The following TAFA1 variants were observed in gnomAD, a reference collection of about 807,000 sequenced individuals.
TAFA1 encodes the protein chemokine-like protein TAFA-1.
TAFA1 carries 4 observed loss-of-function variants against 18.5 expected under a neutral mutation model. The observed-to-expected ratio is 0.22, with a 90% confidence interval of 0.11 to 0.49. The LOEUF is 0.49. Ranked by LOEUF, TAFA1 falls within the 20% of genes least tolerant of loss-of-function variation. The probability of loss-of-function intolerance (pLI) is 0.98; values close to 1 mark genes in which losing one functional copy is unlikely to be tolerated. For synonymous variants in TAFA1, 56 were observed against 55.2 expected, an observed-to-expected ratio of 1.01 and a Z score of -0.06; for missense variants, 147 against 169.0, an observed-to-expected ratio of 0.87 and a Z score of 0.72.
intron 3 of TAFA1, among the ~76,000 whole-genome samples, chr3:68,478,264 G>T (rs2072142853): frequency 6.6e-6 from 1 of 152,192 alleles, no homozygotes; most frequent in African/African-American, 2.4e-5. Flanking sequence ...TCAGTGATGT[G>T]CTCAAGGCAC....
intron 2 of TAFA1, among the ~76,000 whole-genome samples, chr3:68,015,198 C>T (rs1232499482): frequency 6.6e-6 from 1 of 152,032 alleles, no homozygotes; most frequent in African/African-American, 2.4e-5. Flanking sequence ...CTCTGGTAAA[C>T]AGCTTTGATA....
intron 2 of TAFA1, among the ~76,000 whole-genome samples, chr3:68,295,659 T>C (rs189764942): frequency 1.1e-3 from 173 of 152,284 alleles, no homozygotes; most frequent in Non-Finnish European, 1.2e-3. Context: ...CAGGCTGGAG[T>C]ACAGTGATGT....
chr3:68,233,729 G>C (rs1268199200), intron 2 of TAFA1, among the ~76,000 whole-genome samples: 3 of 152,102 alleles, frequency 2.0e-5, no homozygotes, highest in African/African-American at 7.2e-5. Context: ...TAAGCAGCAT[G>C]ATAATAATTC....
intron 3 of TAFA1, among the ~76,000 whole-genome samples, chr3:68,529,284 G>C (rs1373453203): frequency 1.3e-5 from 2 of 151,562 alleles, no homozygotes; most frequent in African/African-American, 4.8e-5. Context: ...TGTAAAATCA[G>C]GAGCTTATCT....
chr3:68,300,305 T>C (rs2068280049), intron 2 of TAFA1, among the ~76,000 whole-genome samples: 1 of 152,184 alleles, frequency 6.6e-6, no homozygotes, highest in Non-Finnish European at 1.5e-5. Flanking sequence ...GGGACTTTAA[T>C]AATGACTGCC....
intron 2 of TAFA1, among the ~76,000 whole-genome samples, chr3:68,034,468 G>A (rs1226074863): frequency 6.6e-6 from 1 of 152,194 alleles, no homozygotes; most frequent in Non-Finnish European, 1.5e-5. Flanking sequence ...CACACACTTA[G>A]CAAGTAAGGG....
At chr3:68,145,189 T>G (rs894931072) in intron 2 of TAFA1, 4 of 814,888 alleles carry the variant, frequency 4.9e-6, no homozygotes, top group Non-Finnish European at 8.9e-6. Context: ...GAATACCACC[T>G]GCTACAAAAT....
At chr3:68,112,564 G>A (rs2065274365) in intron 2 of TAFA1, among the ~76,000 whole-genome samples, 1 of 151,984 alleles carries the variant, frequency 6.6e-6, no homozygotes, top group Non-Finnish European at 1.5e-5. Flanking sequence ...TTCCCTTAGA[G>A]TCTGGGACTA....
chr3:68,164,453 G>A (rs2065960033), intron 2 of TAFA1, among the ~76,000 whole-genome samples: 1 of 152,058 alleles, frequency 6.6e-6, no homozygotes, highest in African/African-American at 2.4e-5. Context: ...GTCCCCCTTG[G>A]GTAATTGCCC....
intron 2 of TAFA1, among the ~76,000 whole-genome samples, chr3:68,302,133 G>A (rs1220572269): frequency 1.3e-5 from 2 of 152,116 alleles, no homozygotes; most frequent in Non-Finnish European, 2.9e-5. Flanking sequence ...AATTTAGGAA[G>A]AGAGAAATAT....
chr3:68,294,832 G>A (rs751957603), intron 2 of TAFA1, among the ~76,000 whole-genome samples: 5 of 152,076 alleles, frequency 3.3e-5, no homozygotes, highest in Admixed American at 6.5e-5. Flanking sequence ...AGCCATGATC[G>A]TGCCACTTCA....
intron 2 of TAFA1, among the ~76,000 whole-genome samples, chr3:68,274,514 C>T (rs564764092): frequency 2.0e-5 from 3 of 152,308 alleles, no homozygotes; most frequent in African/African-American, 7.2e-5. Flanking sequence ...TTGCAAAAAT[C>T]GTTCTGCAGC....
At chr3:68,133,217 T>C (rs1292568717) in intron 2 of TAFA1, among the ~76,000 whole-genome samples, 1 of 152,146 alleles carries the variant, frequency 6.6e-6, no homozygotes, top group Non-Finnish European at 1.5e-5. Flanking sequence ...TTCTGTTCCA[T>C]TGGTCTATAT....
chr3:68,203,223 CT>C lies in TAFA1; in HGVS notation c.118+196482del, dbSNP rs1445164861. 2.0e-5 allele frequency among the ~76,000 whole-genome samples: 3 copies of C among 151,728 alleles called. No homozygotes were observed. In the East Asian group the frequency reaches 5.9e-4, roughly 30 times the overall value. On this transcript the variant is annotated intron_variant, in intron 2 of 4. Transcript: ENST00000478136. ...CTTTTCCTTCTAACTTCTTTCACGA[CT>C]TTATCTTTCCTTTTCTGTAGTTTGA...
intron 3 of TAFA1, among the ~76,000 whole-genome samples, chr3:68,479,731 G>A: frequency 6.6e-6 from 1 of 152,188 alleles, no homozygotes; most frequent in South Asian, 2.1e-4. Context: ...GCAGGAGGCT[G>A]TGATACCAGC....
chr3:68,340,815 T>C (rs1429301865), intron 2 of TAFA1, among the ~76,000 whole-genome samples: 1 of 152,224 alleles, frequency 6.6e-6, no homozygotes, highest in Non-Finnish European at 1.5e-5. Flanking sequence ...TTTTTTAAGT[T>C]ACAATTTAAT....
At chr3:68,120,197 CTTT>C (rs2065376980) in intron 2 of TAFA1, among the ~76,000 whole-genome samples, 15 of 79,416 alleles carry the variant, frequency 1.9e-4, no homozygotes, top group Non-Finnish European at 3.4e-4. Flanking sequence ...TTCTTTCTTT[CTTT>C]CTTTCTTTCT....
chr3:68,068,402 G>T (rs574477094), intron 2 of TAFA1, among the ~76,000 whole-genome samples: 11 of 152,108 alleles, frequency 7.2e-5, no homozygotes, highest in East Asian at 5.8e-4. Flanking sequence ...GATTTCTCTT[G>T]TTTATATTAG....
intron 2 of TAFA1, among the ~76,000 whole-genome samples, chr3:68,415,214 T>C (rs147183953): frequency 1.8e-3 from 277 of 152,300 alleles, no homozygotes; most frequent in South Asian, 0.015. Flanking sequence ...CTCCTGCATA[T>C]AGCTTACCAA....
Sources: gnomAD v4.1 joint callset for allele counts (sites outside exome capture counted in the v4.1 genomes callset) on GRCh38, gnomAD v4.1.1 for gene constraint, MANE v1.5 for transcripts, NCBI Gene and HGNC (gene_info 2026-07-23, HGNC 2026-07-21) for gene names.